Variants in SASH1 observed in about 807,000 individuals in gnomAD.
The protein encoded by SASH1 is SAM and SH3 domain-containing protein 1.
In SASH1, 44 loss-of-function variants were observed where a neutral mutation model predicts 125.2. The observed-to-expected ratio is 0.35, with a 90% CI of 0.28 to 0.45. SASH1 has a LOEUF of 0.45. SASH1 is among the 20% of genes least tolerant of loss of function. The probability of loss-of-function intolerance (pLI) is 1.00; values close to 1 mark genes in which losing one functional copy is unlikely to be tolerated. For synonymous variants in SASH1, 639 were observed against 649.1 expected, an observed-to-expected ratio of 0.98 and a Z score of 0.24; for missense variants, 1,426 against 1,614.5, an observed-to-expected ratio of 0.88 and a Z score of 2.00.
intron 2 of SASH1, among the ~76,000 whole-genome samples, chr6:148,439,771 G>T (rs1227664488): frequency 2.8e-5 from 4 of 140,486 alleles, no homozygotes; most frequent in African/African-American, 1.0e-4. Flanking sequence ...GCTAGACTCT[G>T]TCTCAAAAAA....
intron 1 of SASH1, among the ~76,000 whole-genome samples, chr6:148,358,386 A>G (rs566287216): frequency 6.6e-6 from 1 of 152,206 alleles, no homozygotes; most frequent in Non-Finnish European, 1.5e-5. Context: ...GAATTATGCA[A>G]TGCAGTTGGC....
In SASH1 at chr6:148,317,905, T is replaced by C. The variant is rs371014863; in HGVS notation, n.74+45528T>C. ...ACAGTGAGGCATTCAGGAACTATCA[T>C]AAGTTATGTGAAAGGTTGTGTTTTC... On this transcript the variant is annotated intron_variant and non_coding_transcript_variant, in intron 1 of 3. Transcript: ENST00000367469. 1.6e-4 allele frequency among the ~76,000 whole-genome samples: 24 copies of C among 152,338 alleles called. No individual in the cohort carries two copies. The South Asian group carries it at 4.6e-3, about 29-fold the overall frequency.
intron 1 of SASH1, chr6:148,278,599 A>C (rs1307562922): frequency 6.6e-6 from 1 of 152,164 alleles, no homozygotes; most frequent in Admixed American, 6.5e-5. Context: ...TTAACTATGC[A>C]AAAGTAGGTT....
chr6:148,241,903 G>A, the SASH1 span, among the ~76,000 whole-genome samples: 18 of 152,148 alleles, frequency 1.2e-4, no homozygotes, highest in Middle Eastern at 3.2e-3. Flanking sequence ...AGCAGCAAGC[G>A]TTCACTAAAT....
At chr6:148,366,671 C>T (rs368601236) in intron 1 of SASH1, among the ~76,000 whole-genome samples, 22 of 152,116 alleles carry the variant, frequency 1.4e-4, no homozygotes, top group African/African-American at 4.8e-4. Context: ...GATCTCAGCT[C>T]ACTGCAACCT....
rs187219220 is a variant in SASH1 at position 148,332,451 on chromosome 6, G to A, written n.75-57683G>A. ...AATCTCTGCTATAAGCAGAAAATGT[G>A]TTGTTGTCGTCTGTAACAAATAACA... On this transcript the variant is annotated intron_variant and non_coding_transcript_variant, in intron 1 of 3. Transcript: ENST00000367469. Among the ~76,000 whole-genome samples, 438 of 152,264 alleles carry A rather than the reference G, an allele frequency of 2.9e-3. 1 individual carries two copies. The highest frequency in any genetic ancestry group is 9.9e-3 in the African/African-American group (411 of 41,560).
chr6:148,487,094 C>T lies in SASH1; in HGVS notation c.628-520C>T, dbSNP rs866283975. Among the ~76,000 whole-genome samples the T allele has an allele frequency of 8.7e-4, 107 of 123,426 alleles. 2 individuals are homozygous for T. The highest frequency in any genetic ancestry group is 3.0e-3 in the African/African-American group (91 of 30,662). 81.0% of individuals were successfully genotyped at this position (123,426 alleles called of 152,430 possible). A position where few individuals can be genotyped will look rare whatever the true frequency, so the allele number is the denominator to read the frequency against. ...TATATATATATAACACATATATATA[C>T]ACACACACACACACACACATATATA... On this transcript the variant is annotated intron_variant, in intron 7 of 19. Coordinates refer to ENST00000367467, the MANE Select transcript of SASH1 (RefSeq NM_015278.5).
chr6:148,377,196 A>AAC (rs1782945531), intron 1 of SASH1, among the ~76,000 whole-genome samples: 2 of 125,286 alleles, frequency 1.6e-5, no homozygotes, highest in South Asian at 3.2e-4. Context: ...AAAAAAAAAC[A>AAC]AAAAAAAAAC....
At chr6:148,368,770 G>GCGCGCGCACACACACACA (rs1554245330) in intron 1 of SASH1, among the ~76,000 whole-genome samples, 7 of 135,644 alleles carry the variant, frequency 5.2e-5, no homozygotes, top group African/African-American at 1.9e-4. Context: ...GCACGCGCGC[G>GCGCGCGCACACACACACA]CACACACACA....
At chr6:148,317,079 A>G (rs1780496438) in intron 1 of SASH1, among the ~76,000 whole-genome samples, 1 of 152,234 alleles carries the variant, frequency 6.6e-6, no homozygotes, top group South Asian at 2.1e-4. Context: ...GCACAAAACA[A>G]CTTCAAAAAT....
At chr6:148,216,925 C>T in the SASH1 span, among the ~76,000 whole-genome samples, 1 of 151,982 alleles carries the variant, frequency 6.6e-6, no homozygotes, top group African/African-American at 2.4e-5. Flanking sequence ...ACGGGTTTCA[C>T]CATGTTGGCC....
Position 148,507,726 on chromosome 6 carries a change from T to C in SASH1, c.730-6598T>C, listed in dbSNP as rs144411380. On this transcript the variant is annotated intron_variant, in intron 8 of 19. Coordinates refer to ENST00000367467, the MANE Select transcript of SASH1 (RefSeq NM_015278.5). ...CTTCTGCCATTTTAAGGAGGGACAG[T>C]GGTTCCTACGCATCCCTGAGTCCTG... Among the ~76,000 whole-genome samples, 178 of 152,298 alleles carry C rather than the reference T, an allele frequency of 1.2e-3. 3 individuals carry two copies. The East Asian group carries it at 0.034, about 29-fold the overall frequency.
chr6:148,519,447 A>G lies in SASH1; in HGVS notation c.863-100A>G. 2.4e-6 allele frequency: 2 copies of G among 834,862 alleles called. No homozygotes were observed. The highest frequency in any genetic ancestry group is 1.9e-6 in the Non-Finnish European group (1 of 522,964). The allele number at this position is 834,862 out of a possible 1,614,324, so 51.7% of individuals were successfully genotyped here. ...ATATGTAAGTGGGAGCTGGGTTTAT[A>G]AAGAGGGTCATGATACGGAGAAAGG... On this transcript the variant is annotated intron_variant, in intron 9 of 19. Transcript: ENST00000367467. The surrounding 1 kb of genome is among the most constrained non-coding windows in gnomAD (Gnocchi z 4.8).
At chr6:148,263,602 A>G in the SASH1 span, among the ~76,000 whole-genome samples, 1 of 152,260 alleles carries the variant, frequency 6.6e-6, no homozygotes, top group Non-Finnish European at 1.5e-5. Flanking sequence ...AGCGGTGCCC[A>G]GAAGCACAGC....
intron 1 of SASH1, among the ~76,000 whole-genome samples, chr6:148,378,212 T>C (rs1219690177): frequency 2.0e-5 from 3 of 151,246 alleles, no homozygotes; most frequent in Non-Finnish European, 4.4e-5. Flanking sequence ...CCACCATGCC[T>C]GGCTAATTTT....
chr6:148,276,566 A>C (rs976976466), intron 1 of SASH1, among the ~76,000 whole-genome samples: 2 of 152,252 alleles, frequency 1.3e-5, no homozygotes, highest in South Asian at 2.1e-4. Context: ...ATGGAGGAAG[A>C]GGGAACAAAG....
chr6:148,449,995 C>T (rs1227424112), intron 4 of SASH1, among the ~76,000 whole-genome samples: 1 of 152,172 alleles, frequency 6.6e-6, no homozygotes, highest in Non-Finnish European at 1.5e-5. Flanking sequence ...GATCTGCTCC[C>T]GTGACCCAAC....
chr6:148,280,973 T>C (rs1779324460), intron 1 of SASH1, among the ~76,000 whole-genome samples: 1 of 152,128 alleles, frequency 6.6e-6, no homozygotes. Flanking sequence ...AGACAGAGTC[T>C]TGCTCTGTCA....
At chr6:148,224,527 A>G in the SASH1 span, among the ~76,000 whole-genome samples, 1 of 151,918 alleles carries the variant, frequency 6.6e-6, no homozygotes, top group Non-Finnish European at 1.5e-5. Context: ...CCTTTGGCTA[A>G]TTTTTGTATT....
Sources: gnomAD v4.1 joint callset for allele counts (sites outside exome capture counted in the v4.1 genomes callset) on GRCh38, gnomAD v4.1.1 for gene constraint, Gnocchi (gnomAD v3.1) non-coding constraint, MANE v1.5 for transcripts, NCBI Gene and HGNC (gene_info 2026-07-23, HGNC 2026-07-21) for gene names.